DCHS2: variants seen among roughly 807,000 people sequenced by gnomAD.
DCHS2 encodes dachsous cadherin-related 2.
A neutral mutation model predicts 182.4 loss-of-function variants in DCHS2; 142 were observed. The ratio of observed to expected loss-of-function variants is 0.78; its 90% CI spans 0.68 to 0.89. The LOEUF is 0.89. Among genes scored for constraint, DCHS2 ranks in the 40% least tolerant of loss-of-function variants. The probability of loss-of-function intolerance (pLI) is 0.00; values close to 1 mark genes in which losing one functional copy is unlikely to be tolerated. For missense variants in DCHS2, 4,319 were observed against 4,198.6 expected, an observed-to-expected ratio of 1.03 and a Z score of -0.79; for synonymous variants, 1,740 against 1,663.3, an observed-to-expected ratio of 1.05 and a Z score of -1.12.
At chr4:154,458,865 A>C (rs1734882659) in intron 1 of DCHS2, among the ~76,000 whole-genome samples, 1 of 152,208 alleles carries the variant, frequency 6.6e-6, no homozygotes, top group South Asian at 2.1e-4. Context: ...GTGCACACAC[A>C]AATATTCCAC....
intron 6 of DCHS2, 139 bp downstream of exon 6, chr4:154,329,384 C>A: frequency 1.2e-6 from 1 of 819,996 alleles, no homozygotes; most frequent in Non-Finnish European, 1.9e-6. Flanking sequence ...AACATGTGCA[C>A]AGTATCTAGG....
intron 4 of DCHS2, chr4:154,334,424 A>G (rs1728680213): frequency 6.4e-6 from 1 of 155,894 alleles, no homozygotes; most frequent in Admixed American, 6.3e-5. Context: ...AACATATCTA[A>G]GTTGAAACAC....
At chr4:154,427,784 G>A (rs552234519) in intron 1 of DCHS2, among the ~76,000 whole-genome samples, 58 of 152,272 alleles carry the variant, frequency 3.8e-4, no homozygotes, top group African/African-American at 1.3e-3. Context: ...ACCACCTCCC[G>A]TCAGAGAGAC....
At chr4:154,345,776 A>G (rs914876721) in intron 3 of DCHS2, among the ~76,000 whole-genome samples, 1 of 152,260 alleles carries the variant, frequency 6.6e-6, no homozygotes, top group South Asian at 2.1e-4. Flanking sequence ...GTGTTTGGTA[A>G]TTATTTGTTG....
rs75402876 is a variant in DCHS2, at chr4:154,462,698, T to C, written c.2052+26606A>G. Among the ~76,000 whole-genome samples the C allele has an allele frequency of 3.9e-3, 598 of 152,264 alleles. 3 individuals are homozygous for C. Among genetic ancestry groups the C allele is most frequent in the Non-Finnish European group, 6.6e-3 (450 of 68,008 alleles). On this transcript the variant is annotated intron_variant, in intron 1 of 19. Transcript: ENST00000357232. ...GCTTAGGGAGATTTAGCAACTTTAATACATATAACCAGAAAGCATTAAACA... is the reference window on the plus strand; with the variant it reads ...GCTTAGGGAGATTTAGCAACTTTAACACATATAACCAGAAAGCATTAAACA...
chr4:154,442,690 C>A (rs1734089355), intron 1 of DCHS2, among the ~76,000 whole-genome samples: 1 of 152,048 alleles, frequency 6.6e-6, no homozygotes, highest in Non-Finnish European at 1.5e-5. Context: ...TCTCTTTCCT[C>A]CTTCTTGGAA....
chr4:154,377,187 T>C, intron 2 of DCHS2, 66 bp downstream of exon 2: 1 of 1,466,386 alleles, frequency 6.8e-7, no homozygotes, highest in Non-Finnish European at 9.3e-7. Flanking sequence ...ATTGGTCCTC[T>C]GTGATGTATA....
At chr4:154,448,950 T>C (rs1056457165) in intron 1 of DCHS2, among the ~76,000 whole-genome samples, 1 of 152,212 alleles carries the variant, frequency 6.6e-6, no homozygotes, top group Non-Finnish European at 1.5e-5. Flanking sequence ...ATCTGTGTGA[T>C]TGTATGGTTA....
At chr4:154,342,337 G>A (rs1356458144) in intron 3 of DCHS2, among the ~76,000 whole-genome samples, 1 of 152,136 alleles carries the variant, frequency 6.6e-6, no homozygotes, top group East Asian at 1.9e-4. Flanking sequence ...TGAAGGTGGC[G>A]GTGGCTGTGG....
In DCHS2 at chr4:154,319,656, T is replaced by TAAAA. The variant is rs59154846; in HGVS notation, c.5020+719_5020+722dup. Among the ~76,000 whole-genome samples, 28 of 116,896 alleles carry TAAAA rather than the reference T, an allele frequency of 2.4e-4. 1 individual carries two copies. Among genetic ancestry groups the TAAAA allele is most frequent in the African/African-American group, 6.8e-4 (21 of 31,026 alleles). The allele number at this position is 116,896 out of a possible 152,430, so 76.7% of individuals were successfully genotyped here. Reference sequence around the variant, plus strand: ...TTATACCTGTTAGGATGGCTGTTACTAAAAAAAAAAAAAAAAAAAAAAAAG... The same window carrying TAAAA: ...TTATACCTGTTAGGATGGCTGTTACTAAAAAAAAAAAAAAAAAAAAAAAAAAAAG... On this transcript the variant is annotated intron_variant, in intron 9 of 19. Coordinates refer to ENST00000357232, the MANE Select transcript of DCHS2 (RefSeq NM_001358235.2).
In DCHS2 at chr4:154,236,835, T is replaced by A. The variant is rs777568229; in HGVS notation, c.7817A>T (p.His2606Leu). Residue 2606 changes from histidine (H) to leucine (L), a missense_variant, in exon 20 of 20, where the codon CAT (histidine) becomes CTT (leucine). Coordinates refer to ENST00000357232, the MANE Select transcript of DCHS2 (RefSeq NM_001358235.2). Reference sequence around the variant, plus strand: ...GACTTGCTTATAAGGATATTCTGAATGAAAGAACTTAGTTTCCACATGAAA... The same window carrying A: ...GACTTGCTTATAAGGATATTCTGAAAGAAAGAACTTAGTTTCCACATGAAA... ...NNFHVETKFF[H>L]SEYPYKQVGY... 1.9e-6 allele frequency: 3 copies of A among 1,613,988 alleles called. No homozygotes were observed. The highest frequency in any genetic ancestry group is 1.1e-5 in the South Asian group (1 of 91,086).
chr4:154,381,900 C>T (rs1474692670), intron 1 of DCHS2, among the ~76,000 whole-genome samples: 2 of 152,120 alleles, frequency 1.3e-5, no homozygotes, highest in East Asian at 3.8e-4. Flanking sequence ...TATCAAACTA[C>T]CAATGTAATT....
chr4:154,491,767 G>T lies in DCHS2; in HGVS notation c.-412C>A. 2 of 998,078 alleles carry T rather than the reference G, an allele frequency of 2.0e-6. No individual in the cohort carries two copies. The allele number at this position is 998,078 out of a possible 1,614,324, so 61.8% of individuals were successfully genotyped here. A position where few individuals can be genotyped will look rare whatever the true frequency, so the allele number is the denominator to read the frequency against. The stretch of plus-strand genomic sequence containing the variant: ...TATGAAGCGCGCACACACAAGGAGA[G>T]GATGGGGATCTGGCCGGAGTAGGGG... On this transcript the variant is annotated 5_prime_UTR_variant, in exon 1 of 20. Coordinates refer to ENST00000357232, the MANE Select transcript of DCHS2 (RefSeq NM_001358235.2).
intron 3 of DCHS2, among the ~76,000 whole-genome samples, chr4:154,358,827 ACTAAG>A (rs960861758): frequency 6.6e-6 from 1 of 151,944 alleles, no homozygotes; most frequent in African/African-American, 2.4e-5. Context: ...GCTTAAATAA[ACTAAG>A]CTCTCTATTA....
rs138200715 is a variant in DCHS2 at position 154,270,005 on chromosome 4, T to A, written c.6472A>T (p.Ile2158Phe). ...VTENCEAGTS[I>F]VTVKAFAPDS... ...GGAGCAAAAGCTTTAACAGTCACAA[T>A]AGAAGTACCTGTAAAAATTAGGTAA... Residue 2158 changes from isoleucine (I) to phenylalanine (F), a missense_variant, in exon 14 of 20, where the codon ATT becomes TTT. Physicochemically the swap from Ile to Phe is conservative, Grantham distance 21. Transcript: ENST00000357232. 1.3e-6 allele frequency: 2 copies of A among 1,595,454 alleles called. No individual in the cohort carries two copies. The highest frequency in any genetic ancestry group is 1.1e-5 in the South Asian group (1 of 87,218).
At chr4:154,393,540 C>T (rs1731799086) in intron 1 of DCHS2, among the ~76,000 whole-genome samples, 1 of 152,186 alleles carries the variant, frequency 6.6e-6, no homozygotes, top group Non-Finnish European at 1.5e-5. Context: ...ATCCCAATGT[C>T]ATAAGTGCTG....
At chr4:154,354,466 A>T (rs1242443659) in intron 3 of DCHS2, among the ~76,000 whole-genome samples, 1 of 152,190 alleles carries the variant, frequency 6.6e-6, no homozygotes, top group Non-Finnish European at 1.5e-5. Context: ...AATCCAATTC[A>T]TTACAACTCA....
chr4:154,315,638 A>T, intron 10 of DCHS2, 110 bp downstream of exon 10: 1 of 1,468,372 alleles, frequency 6.8e-7, no homozygotes, highest in Non-Finnish European at 9.1e-7. Context: ...AATTTGAGAT[A>T]ACTAGCAACT....
At chr4:154,444,707 A>G (rs556294705) in intron 1 of DCHS2, among the ~76,000 whole-genome samples, 3 of 152,120 alleles carry the variant, frequency 2.0e-5, no homozygotes, top group African/African-American at 7.2e-5. Context: ...AGATCATGTC[A>G]CTTTGCTGGT....
Sources: gnomAD v4.1 joint callset for allele counts (sites outside exome capture counted in the v4.1 genomes callset) on GRCh38, gnomAD v4.1.1 for gene constraint, MANE v1.5 for transcripts, NCBI Gene and HGNC (gene_info 2026-07-23, HGNC 2026-07-21) for gene names.